HIVEP3: variants seen among roughly 807,000 people sequenced by gnomAD.
HIVEP3 encodes the protein HIVEP zinc finger 3.
A neutral mutation model predicts 152.8 loss-of-function variants in HIVEP3; 49 were observed. That is an observed-to-expected ratio of 0.32 (90% CI 0.26 to 0.41). HIVEP3 has a LOEUF of 0.41. Ranked by LOEUF, HIVEP3 falls within the 10% of genes least tolerant of loss-of-function variation. The pLI is 1.00. For missense variants in HIVEP3, 2,790 were observed against 3,103.3 expected (o/e 0.90, Z 2.40); for synonymous variants, 1,269 against 1,289.0 (o/e 0.98, Z 0.33).
intron 1 of HIVEP3, among the ~76,000 whole-genome samples, chr1:41,915,105 G>A (rs934656259): frequency 1.3e-5 from 2 of 150,680 alleles, no homozygotes; most frequent in East Asian, 3.9e-4. Context: ...CATTATCATG[G>A]ATAGTTGCAG....
intron 1 of HIVEP3, among the ~76,000 whole-genome samples, chr1:41,939,952 A>T (rs887677937): frequency 1.3e-5 from 2 of 148,814 alleles, no homozygotes; most frequent in African/African-American, 5.0e-5. Flanking sequence ...ATATATTTTC[A>T]TTATTGATAA....
At position 41,665,707 on chromosome 1, in the gene HIVEP3, T is replaced by TACAC. The variant is rs10530354; in HGVS notation, c.-721+35205_-721+35208dup. Among the ~76,000 whole-genome samples, 207 of 128,022 alleles carry TACAC rather than the reference T, an allele frequency of 1.6e-3. 5 individuals are homozygous for TACAC. Among genetic ancestry groups the TACAC allele is most frequent in the Middle Eastern group, 0.012 (3 of 256 alleles). 84.0% of individuals were successfully genotyped at this position (128,022 alleles called of 152,430 possible). On this transcript the variant is annotated intron_variant, in intron 2 of 8. Transcript: ENST00000372583. ...AATGCTTGTTTCCACGGAAATGTTA[T>TACAC]ACACACACACACACACACACACACA...
At chr1:41,521,255 C>T (rs144483979) in intron 6 of HIVEP3, among the ~76,000 whole-genome samples, 1 of 152,340 alleles carries the variant, frequency 6.6e-6, no homozygotes, top group East Asian at 1.9e-4. Context: ...ATGTGAGTCA[C>T]TCTATTGAGC....
intron 4 of HIVEP3, 104 bp downstream of exon 4, chr1:41,579,633 C>T: frequency 2.2e-6 from 3 of 1,334,424 alleles, no homozygotes; most frequent in Non-Finnish European, 3.1e-6. Flanking sequence ...GACTACTAGT[C>T]TGGCTCTAGT....
chr1:41,876,395 C>A (rs1265810667), intron 1 of HIVEP3, among the ~76,000 whole-genome samples: 1 of 151,980 alleles, frequency 6.6e-6, no homozygotes, highest in African/African-American at 2.4e-5. Flanking sequence ...AAACTCTGAG[C>A]GAGTTGCTTA....
At chr1:41,773,577 A>G (rs973647752) in intron 1 of HIVEP3, among the ~76,000 whole-genome samples, 10 of 152,258 alleles carry the variant, frequency 6.6e-5, no homozygotes, top group Admixed American at 2.0e-4. Context: ...GCTCTGGCAC[A>G]CATCCACTTC....
chr1:41,534,330 A>G (rs1457323980), intron 5 of HIVEP3, among the ~76,000 whole-genome samples: 1 of 151,482 alleles, frequency 6.6e-6, no homozygotes, highest in Non-Finnish European at 1.5e-5. Flanking sequence ...TCTCCCTCCA[A>G]TTCCCACTGA....
intron 1 of HIVEP3, among the ~76,000 whole-genome samples, chr1:41,783,628 C>T (rs935816413): frequency 6.6e-5 from 10 of 152,140 alleles, no homozygotes; most frequent in Non-Finnish European, 1.2e-4. Context: ...CACACACACT[C>T]GCATAGATCA....
intron 1 of HIVEP3, among the ~76,000 whole-genome samples, chr1:41,904,570 C>T (rs753395378): frequency 1.3e-5 from 2 of 152,116 alleles, no homozygotes; most frequent in Non-Finnish European, 2.9e-5. Context: ...AAAAGGAGGC[C>T]GTGATATGGT....
chr1:41,795,350 G>A (rs180799426), intron 1 of HIVEP3, among the ~76,000 whole-genome samples: 1 of 152,324 alleles, frequency 6.6e-6, no homozygotes, highest in Non-Finnish European at 1.5e-5. Context: ...GTGGGTTTTT[G>A]GAGGAATGTC....
rs1645766302 is a variant in HIVEP3 at position 41,664,624 on chromosome 1, G to A, written c.-720-35677C>T. ...ATAAGTTTACAAATGTTTGTTAAGT[G>A]AATGAATGGTCCTGAGGGGCAAATC... On this transcript the variant is annotated intron_variant, in intron 2 of 8. Transcript: ENST00000372583. This position sits in a 1 kb window ranked among gnomAD's most constrained non-coding sequence, Gnocchi z 4.4. Among the ~76,000 whole-genome samples, 1 of 152,202 alleles carries A rather than the reference G, an allele frequency of 6.6e-6. No homozygotes were observed. Among genetic ancestry groups the A allele is most frequent in the South Asian group, 2.1e-4 (1 of 4,830 alleles).
At chr1:41,620,070 A>G (rs1358592835) in intron 3 of HIVEP3, among the ~76,000 whole-genome samples, 1 of 152,140 alleles carries the variant, frequency 6.6e-6, no homozygotes, top group Non-Finnish European at 1.5e-5. Context: ...AAATGGAAGG[A>G]AAGGGGGAAA....
At chr1:41,786,181 A>G (rs1199203006) in intron 1 of HIVEP3, among the ~76,000 whole-genome samples, 3 of 152,208 alleles carry the variant, frequency 2.0e-5, no homozygotes, top group Non-Finnish European at 2.9e-5. Flanking sequence ...CATTGCCTCA[A>G]TGTTCTCATC....
chr1:41,915,573 A>AT (rs1644858660), intron 1 of HIVEP3, among the ~76,000 whole-genome samples: 1 of 152,256 alleles, frequency 6.6e-6, no homozygotes, highest in Admixed American at 6.5e-5. Flanking sequence ...ATCAAAATTC[A>AT]TAAACTGTAG....
intron 1 of HIVEP3, among the ~76,000 whole-genome samples, chr1:41,979,497 A>G (rs1303784876): frequency 6.6e-6 from 1 of 152,142 alleles, no homozygotes; most frequent in Admixed American, 6.5e-5. Context: ...CAAAGTGCAC[A>G]CTTTTTCTTC....
At chr1:41,815,401 T>A (rs1445588483) in intron 1 of HIVEP3, among the ~76,000 whole-genome samples, 2 of 151,770 alleles carry the variant, frequency 1.3e-5, no homozygotes, top group Non-Finnish European at 2.9e-5. Context: ...GAGCCAGGAG[T>A]TTGAGGCTGC....
At chr1:41,839,161 A>T (rs1643212349) in intron 1 of HIVEP3, among the ~76,000 whole-genome samples, 1 of 151,754 alleles carries the variant, frequency 6.6e-6, no homozygotes, top group Admixed American at 6.6e-5. Flanking sequence ...TGATTTCCTC[A>T]CCCTATGCTA....
At chr1:41,531,546 G>A (rs1643255030) in intron 5 of HIVEP3, among the ~76,000 whole-genome samples, 4 of 66,764 alleles carry the variant, frequency 6.0e-5, no homozygotes, top group Non-Finnish European at 6.1e-5. Flanking sequence ...CAGGGGAGAT[G>A]GAGGACAGGA....
intron 2 of HIVEP3, among the ~76,000 whole-genome samples, chr1:41,630,871 T>G (rs1280225920): frequency 1.3e-5 from 2 of 152,188 alleles, no homozygotes. Flanking sequence ...CCTGGAAAAC[T>G]GACTCATATT....
Sources: gnomAD v4.1 joint callset for allele counts (sites outside exome capture counted in the v4.1 genomes callset) on GRCh38, gnomAD v4.1.1 for gene constraint, Gnocchi (gnomAD v3.1) non-coding constraint, MANE v1.5 for transcripts, NCBI Gene and HGNC (gene_info 2026-07-23, HGNC 2026-07-21) for gene names.